CSMD1: variants seen among roughly 807,000 people sequenced by gnomAD.
CSMD1 encodes the protein CUB and sushi domain-containing protein 1.
In CSMD1, 213 loss-of-function variants were observed where a neutral mutation model predicts 417.5. The ratio of observed to expected loss-of-function variants is 0.51; its 90% confidence interval spans 0.46 to 0.57. The LOEUF is 0.57. Among genes scored for constraint, CSMD1 ranks in the 20% least tolerant of loss-of-function variants. CSMD1 has a pLI of 0.00. For synonymous variants in CSMD1, 2,862 were observed against 1,736.8 expected, an observed-to-expected ratio of 1.65 and a Z score of -16.11; for missense variants, 6,923 against 4,529.7, an observed-to-expected ratio of 1.53 and a Z score of -15.17.
intron 7 of CSMD1, among the ~76,000 whole-genome samples, chr8:3,694,337 G>T (rs928684910): frequency 1.3e-5 from 2 of 152,104 alleles, no homozygotes; most frequent in Admixed American, 6.5e-5. Flanking sequence ...TGAGCAGACA[G>T]ACAGGGGTCA....
At chr8:3,824,777 T>G (rs896980202) in intron 5 of CSMD1, among the ~76,000 whole-genome samples, 1 of 152,086 alleles carries the variant, frequency 6.6e-6, no homozygotes, top group Non-Finnish European at 1.5e-5. Flanking sequence ...CACAATATAT[T>G]GGACAGCAGA....
intron 6 of CSMD1, among the ~76,000 whole-genome samples, chr8:3,732,027 C>T (rs942948332): frequency 1.6e-4 from 23 of 140,246 alleles, no homozygotes; most frequent in African/African-American, 5.5e-4. Flanking sequence ...AATGCATGCT[C>T]TCCACATTTT....
chr8:3,273,349 G>T (rs893166505), intron 26 of CSMD1, among the ~76,000 whole-genome samples: 1 of 152,028 alleles, frequency 6.6e-6, no homozygotes, highest in Non-Finnish European at 1.5e-5. Flanking sequence ...TTTTATTGAG[G>T]ATTTTTACAT....
intron 3 of CSMD1, among the ~76,000 whole-genome samples, chr8:4,409,974 C>G (rs1358198885): frequency 6.6e-6 from 1 of 152,000 alleles, no homozygotes; most frequent in Non-Finnish European, 1.5e-5. Flanking sequence ...CCACTACGCC[C>G]AGCAAATTTT....
chr8:4,711,657 A>G (rs752239913), intron 1 of CSMD1, among the ~76,000 whole-genome samples: 6 of 84,648 alleles, frequency 7.1e-5, no homozygotes, highest in Non-Finnish European at 1.3e-4. Context: ...ATACTTCTTT[A>G]CTGTAGGTAA....
In CSMD1 at chr8:3,663,596, T is replaced by C. The variant is rs777245479; in HGVS notation, c.1009+44818A>G. Among the ~76,000 whole-genome samples the C allele has an allele frequency of 4.3e-4, 65 of 152,174 alleles. 1 individual carries two copies. The highest frequency in any genetic ancestry group is 1.5e-5 in the Non-Finnish European group (1 of 68,018). The stretch of plus-strand genomic sequence containing the variant: ...AAAGCCACCCCTCTGCTCACTGAGA[T>C]AAACCCATATCTGATTGCCTCCTTT... On this transcript the variant is annotated intron_variant, in intron 7 of 69. Transcript: ENST00000635120.
intron 25 of CSMD1, among the ~76,000 whole-genome samples, chr8:3,305,451 G>C (rs749904024): frequency 1.3e-4 from 20 of 151,134 alleles, no homozygotes; most frequent in African/African-American, 1.9e-4. Flanking sequence ...GGTCATAAGG[G>C]CTGGGCCCTC....
In CSMD1 at chr8:3,405,119, T is replaced by C. The variant is rs563752094; in HGVS notation, c.2266+908A>G. On this transcript the variant is annotated intron_variant, in intron 15 of 69. Transcript: ENST00000635120. ...AAATGCCAGTTTCTACATAACCTTT[T>C]CAATAATACGTCTCATTCACCTGTT... Among the ~76,000 whole-genome samples, 12 of 152,312 alleles carry C rather than the reference T, an allele frequency of 7.9e-5. 1 individual carries two copies. The South Asian group carries it at 2.5e-3, about 32-fold the overall frequency.
intron 3 of CSMD1, among the ~76,000 whole-genome samples, chr8:4,229,847 C>G (rs564239507): frequency 6.6e-5 from 10 of 152,288 alleles, no homozygotes; most frequent in African/African-American, 1.9e-4. Flanking sequence ...GGGATTTTAT[C>G]GCTTTGGTCT....
intron 1 of CSMD1, among the ~76,000 whole-genome samples, chr8:4,758,996 G>A (rs1313321392): frequency 7.0e-6 from 1 of 143,458 alleles, no homozygotes; most frequent in Non-Finnish European, 1.5e-5. Context: ...GACTTTGTAA[G>A]AATGTCTTAA....
intron 3 of CSMD1, among the ~76,000 whole-genome samples, chr8:4,054,192 C>G (rs545170274): frequency 2.6e-4 from 40 of 152,250 alleles, no homozygotes; most frequent in African/African-American, 9.4e-4. Context: ...AACGCACGGC[C>G]ATGAGAAGAA....
intron 3 of CSMD1, among the ~76,000 whole-genome samples, chr8:4,159,717 C>T (rs1056932745): frequency 5.9e-5 from 9 of 152,208 alleles, no homozygotes; most frequent in African/African-American, 1.4e-4. Flanking sequence ...GCCTCCCGAG[C>T]AGCTGGGACT....
At chr8:4,687,812 TACACACAAACACACATACATACATAC>T (rs1033427186) in intron 1 of CSMD1, among the ~76,000 whole-genome samples, 29 of 143,370 alleles carry the variant, frequency 2.0e-4, no homozygotes, top group Middle Eastern at 7.1e-3. Context: ...CACAGACAGA[TACACACAAACACACATACATACATAC>T]ACACACACAC....
intron 1 of CSMD1, among the ~76,000 whole-genome samples, chr8:4,645,739 G>A (rs1803479886): frequency 6.6e-6 from 1 of 152,146 alleles, no homozygotes; most frequent in Admixed American, 6.6e-5. Context: ...CTAATTGCAA[G>A]AGAATTTTAC....
chr8:4,463,099 A>T (rs1021281054), intron 2 of CSMD1, among the ~76,000 whole-genome samples: 3 of 152,220 alleles, frequency 2.0e-5, no homozygotes, highest in Non-Finnish European at 4.4e-5. Flanking sequence ...TCAGCAATAA[A>T]AAGACAAATT....
At chr8:4,814,450 T>G (rs1163242343) in intron 1 of CSMD1, among the ~76,000 whole-genome samples, 2 of 152,228 alleles carry the variant, frequency 1.3e-5, no homozygotes, top group African/African-American at 4.8e-5. Flanking sequence ...TTTCACCATG[T>G]TGGCCAAGGT....
chr8:4,717,315 A>G (rs981316584), intron 1 of CSMD1, among the ~76,000 whole-genome samples: 3 of 146,986 alleles, frequency 2.0e-5, no homozygotes, highest in East Asian at 2.0e-4. Flanking sequence ...CTCTCCATAT[A>G]TATATATATA....
chr8:3,128,860 G>T (rs762430016), intron 41 of CSMD1: 7 of 454,996 alleles, frequency 1.5e-5, no homozygotes, highest in African/African-American at 1.2e-4. Context: ...GGAATGGGGT[G>T]TCAAGACATG....
At chr8:4,465,020 AG>A (rs1209192406) in intron 2 of CSMD1, among the ~76,000 whole-genome samples, 1 of 152,142 alleles carries the variant, frequency 6.6e-6, no homozygotes, top group African/African-American at 2.4e-5. Flanking sequence ...TGGGAAAGGA[AG>A]AAAATAGGAA....
Sources: gnomAD v4.1 joint callset for allele counts (sites outside exome capture counted in the v4.1 genomes callset) on GRCh38, gnomAD v4.1.1 for gene constraint, MANE v1.5 for transcripts, NCBI Gene and HGNC (gene_info 2026-07-23, HGNC 2026-07-21) for gene names.